The following CCDC92B variants were observed in gnomAD, a reference collection of about 807,000 sequenced individuals.
The protein encoded by CCDC92B is coiled-coil domain containing 92B, also known as coiled-coil domain-containing 92B.
A neutral mutation model predicts 5.6 loss-of-function variants in CCDC92B; 2 were observed. The ratio of observed to expected loss-of-function variants is 0.36; its 90% CI spans 0.15 to 1.12. The LOEUF (loss-of-function observed/expected upper bound fraction) is 1.12, where lower values mean the gene tolerates loss of function less well. CCDC92B is among the 50% of genes most tolerant of loss of function. The probability of loss-of-function intolerance (pLI) is 0.40; values close to 1 mark genes in which losing one functional copy is unlikely to be tolerated. For synonymous variants in CCDC92B, 115 were observed against 122.3 expected, an observed-to-expected ratio of 0.94 and a Z score of 0.39; for missense variants, 271 against 262.2, an observed-to-expected ratio of 1.03 and a Z score of -0.23.
In CCDC92B at chr17:2,724,743, C is replaced by T; in HGVS notation, c.436G>A (p.Ala146Thr). The T allele has an allele frequency of 1.0e-6, 1 of 982,702 alleles. No individual in the cohort carries two copies. Among genetic ancestry groups the T allele is most frequent in the Non-Finnish European group, 1.2e-6 (1 of 828,978 alleles). The allele number at this position is 982,702 out of a possible 1,614,324, so 60.9% of individuals were successfully genotyped here. A position where few individuals can be genotyped will look rare whatever the true frequency, so the allele number is the denominator to read the frequency against. The change falls in exon 4 of 4, where the codon GCG becomes ACG. Residue 146 changes from alanine to threonine, a missense_variant. Physicochemically the swap from Ala to Thr is moderately conservative, Grantham distance 58. Coordinates refer to ENST00000614400, the MANE Select transcript of CCDC92B (RefSeq NM_001355573.2). This position sits in a 1 kb window ranked among gnomAD's most constrained non-coding sequence, Gnocchi z 5.0. The stretch of plus-strand genomic sequence containing the variant: ...GGGGCCTGCAGTCTCTGGCGCGCCG[C>T]GTGCAGCTGGCAGGAGAGGTAGGCG... Reference protein sequence around the residue: ...AAAYLSCQLHAARQRLQAPRP... With the variant: ...AAAYLSCQLHTARQRLQAPRP...
intron 1 of CCDC92B, among the ~76,000 whole-genome samples, chr17:2,740,307 C>A (rs1269576961): frequency 6.6e-6 from 1 of 151,818 alleles, no homozygotes; most frequent in African/African-American, 2.4e-5. Context: ...TTAAGGCCTC[C>A]AATCAGTTGA....
intron 2 of CCDC92B, among the ~76,000 whole-genome samples, chr17:2,733,078 C>G: frequency 6.8e-6 from 1 of 147,190 alleles, no homozygotes; most frequent in East Asian, 2.0e-4. Flanking sequence ...AAAAAAAAAA[C>G]CAAGGGGTTT....
chr17:2,747,978 G>A (rs933456643), intron 1 of CCDC92B: 16 of 368,400 alleles, frequency 4.3e-5, no homozygotes, highest in Middle Eastern at 1.0e-3. Flanking sequence ...CTTTATCGAT[G>A]AGGAGACAGG....
At chr17:2,732,008 TCA>T (rs1418804534) in intron 2 of CCDC92B, among the ~76,000 whole-genome samples, 4 of 152,220 alleles carry the variant, frequency 2.6e-5, no homozygotes, top group African/African-American at 9.6e-5. Flanking sequence ...TCTCTGAGCC[TCA>T]GTTTTCTCGT....
intron 3 of CCDC92B, among the ~76,000 whole-genome samples, chr17:2,726,992 T>C (rs2070738457): frequency 1.3e-5 from 2 of 150,836 alleles, no homozygotes; most frequent in African/African-American, 4.9e-5. Flanking sequence ...GCAGCCTCTA[T>C]CACCTGGGCT....
intron 3 of CCDC92B, among the ~76,000 whole-genome samples, chr17:2,729,502 A>AAAC (rs1264532334): frequency 6.6e-6 from 1 of 151,710 alleles, no homozygotes; most frequent in Non-Finnish European, 1.5e-5. Context: ...CTCAAAAAAA[A>AAAC]AAAAAAAAAA....
In CCDC92B at chr17:2,727,745, C is replaced by A. The variant is rs190681106; in HGVS notation, c.178+2701G>T. On this transcript the variant is annotated intron_variant, in intron 3 of 3. Transcript: ENST00000614400. ...AGGCTGAAGTAGGAGAATTGCTTGA[C>A]CCTGGGAGGCGGAGGTTGCAGTGAG... Among the ~76,000 whole-genome samples the A allele has an allele frequency of 2.5e-3, 373 of 151,856 alleles. 3 individuals carry two copies. The highest frequency in any genetic ancestry group is 7.6e-3 in the African/African-American group (315 of 41,444).
chr17:2,740,218 T>C (rs978315533), intron 1 of CCDC92B, among the ~76,000 whole-genome samples: 2 of 151,956 alleles, frequency 1.3e-5, no homozygotes, highest in Non-Finnish European at 2.9e-5. Flanking sequence ...TGCTCGAGTG[T>C]GGGTGGGCCT....
chr17:2,740,244 T>G (rs1435998915), intron 1 of CCDC92B, among the ~76,000 whole-genome samples: 1 of 151,852 alleles, frequency 6.6e-6, no homozygotes, highest in Non-Finnish European at 1.5e-5. Context: ...TATGATGGAT[T>G]TCACCCCTGT....
rs532699653 is a variant in CCDC92B, at chr17:2,737,099, T to C, written c.-23-1931A>G. Among the ~76,000 whole-genome samples, 93 of 152,048 alleles carry C rather than the reference T, an allele frequency of 6.1e-4. 1 individual carries two copies. The highest frequency in any genetic ancestry group is 1.1e-3 in the Non-Finnish European group (73 of 68,004). ...GCTTCTGGCTCCGCCCCCTTCCCCA[T>C]GACTCTGTTCTGTGATAATCAGCAT... On this transcript the variant is annotated intron_variant, in intron 1 of 3. Transcript: ENST00000614400.
intron 1 of CCDC92B, among the ~76,000 whole-genome samples, chr17:2,736,730 TTAGCTGGGCGTGG>T (rs1162035612): frequency 6.6e-6 from 1 of 151,244 alleles, no homozygotes; most frequent in Non-Finnish European, 1.5e-5. Flanking sequence ...ATACAAAAAA[TTAGCTGGGCGTGG>T]TGGGGCAGGT....
In CCDC92B at chr17:2,722,466, G is replaced by A. The variant is rs142034832; in HGVS notation, c.*1945C>T. 677 of 152,502 alleles carry A rather than the reference G, an allele frequency of 4.4e-3. 4 individuals carry two copies. Among genetic ancestry groups the A allele is most frequent in the Non-Finnish European group, 7.6e-3 (519 of 68,170 alleles). 9.4% of individuals were successfully genotyped at this position (152,502 alleles called of 1,614,324 possible). ...AGGAGCTGGACACCCCAGACCAGGC[G>A]TGGTTATTGCTCAGTGGTCTTGGGC... On this transcript the variant is annotated 3_prime_UTR_variant, in exon 4 of 4. Transcript: ENST00000614400.
chr17:2,726,534 C>G (rs1227847164), intron 3 of CCDC92B, among the ~76,000 whole-genome samples: 4 of 151,640 alleles, frequency 2.6e-5, no homozygotes, highest in Non-Finnish European at 4.4e-5. Flanking sequence ...CCAGAATGGT[C>G]TTGAACTCCT....
At chr17:2,728,212 G>A (rs1283411092) in intron 3 of CCDC92B, among the ~76,000 whole-genome samples, 1 of 151,860 alleles carries the variant, frequency 6.6e-6, no homozygotes, top group Non-Finnish European at 1.5e-5. Flanking sequence ...TAATCTCGAG[G>A]TTGAGGTGGA....
chr17:2,744,341 TTTTTTATTTTTA>T (rs1251010388), intron 1 of CCDC92B, among the ~76,000 whole-genome samples: 1 of 152,052 alleles, frequency 6.6e-6, no homozygotes, highest in South Asian at 2.1e-4. Context: ...GGCCTAAATT[TTTTTTATTTTTA>T]TTTTTATTTT....
At chr17:2,732,122 G>T (rs766116209) in intron 2 of CCDC92B, among the ~76,000 whole-genome samples, 7 of 152,300 alleles carry the variant, frequency 4.6e-5, no homozygotes, top group African/African-American at 1.4e-4. Flanking sequence ...GGTGCTGAAC[G>T]CGTGTGAGCA....
At chr17:2,725,988 CTTTTTTT>C (rs565583381) in intron 3 of CCDC92B, among the ~76,000 whole-genome samples, 12 of 78,260 alleles carry the variant, frequency 1.5e-4, no homozygotes, top group South Asian at 1.0e-3. Context: ...TTTATCACGT[CTTTTTTT>C]TTTTTTTTTT....
At chr17:2,739,346 A>G (rs1302247748) in intron 1 of CCDC92B, among the ~76,000 whole-genome samples, 1 of 143,964 alleles carries the variant, frequency 6.9e-6, no homozygotes, top group Non-Finnish European at 1.5e-5. Context: ...CAGCCTGGCG[A>G]CAGAGCGAGA....
intron 1 of CCDC92B, among the ~76,000 whole-genome samples, chr17:2,742,689 T>C (rs1364937203): frequency 6.6e-6 from 1 of 152,184 alleles, no homozygotes; most frequent in Non-Finnish European, 1.5e-5. Context: ...TTATATGCTA[T>C]TGACCGCCAA....
Sources: gnomAD v4.1 joint callset for allele counts (sites outside exome capture counted in the v4.1 genomes callset) on GRCh38, gnomAD v4.1.1 for gene constraint, Gnocchi (gnomAD v3.1) non-coding constraint, MANE v1.5 for transcripts, NCBI Gene and HGNC (gene_info 2026-07-23, HGNC 2026-07-21) for gene names.